MID1: variants seen among roughly 807,000 people sequenced by gnomAD.
MID1 encodes E3 ubiquitin-protein ligase Midline-1.
MID1 carries 7 observed loss-of-function variants against 40.4 expected under a neutral mutation model. The ratio of observed to expected loss-of-function variants is 0.17; its 90% CI spans 0.10 to 0.33. The LOEUF (loss-of-function observed/expected upper bound fraction) is 0.33. Among genes scored for constraint, MID1 ranks in the 10% least tolerant of loss-of-function variants. MID1 has a pLI of 1.00. For missense variants in MID1, 367 were observed against 558.5 expected, an observed-to-expected ratio of 0.66 and a Z score of 3.46; for synonymous variants, 229 against 221.2, an observed-to-expected ratio of 1.04 and a Z score of -0.31.
At chrX:10,612,980 C>A (rs1935759512) in intron 1 of MID1, among the ~76,000 whole-genome samples, 1 of 112,002 alleles carries the variant, frequency 8.9e-6, no homozygotes, top group South Asian at 3.7e-4. Context: ...TAATGTATTT[C>A]GTACAGAAGA....
At chrX:10,499,385 G>A (rs755025930) in intron 3 of MID1, among the ~76,000 whole-genome samples, 3 of 111,781 alleles carry the variant, frequency 2.7e-5, no homozygotes, top group African/African-American at 9.7e-5. Flanking sequence ...ATTGCCTCCT[G>A]TTTTGTGGGT....
At chrX:10,632,662 G>A (rs1954809189) in intron 1 of MID1, among the ~76,000 whole-genome samples, 1 of 110,502 alleles carries the variant, frequency 9.0e-6, no homozygotes, top group South Asian at 3.9e-4. Flanking sequence ...TTGCATTTCT[G>A]ACAAGTTCCC....
chrX:10,614,204 T>C (rs1394188018), intron 1 of MID1, among the ~76,000 whole-genome samples: 1 of 111,628 alleles, frequency 9.0e-6, no homozygotes, highest in Non-Finnish European at 1.9e-5. Flanking sequence ...CCATTTATTC[T>C]AATCCAAGTA....
At position 10,692,244 on chromosome X, in the gene MID1, G is replaced by A. The variant is rs751270358; in HGVS notation, c.-186-71825C>T. Reference sequence around the variant, plus strand: ...CCTAATAAAAACTTGCTGGTTTTGCGGCTCGAGGTTGCCATCACGGTCCTA... The same window carrying A: ...CCTAATAAAAACTTGCTGGTTTTGCAGCTCGAGGTTGCCATCACGGTCCTA... On this transcript the variant is annotated intron_variant, in intron 1 of 10. Transcript: ENST00000380785. Among the ~76,000 whole-genome samples, 7 of 111,174 alleles carry A rather than the reference G, an allele frequency of 6.3e-5. No individual in the cohort carries two copies. In the South Asian group the frequency reaches 1.2e-3, roughly 18 times the overall value.
At chrX:10,752,565 A>G (rs1038888861) in intron 1 of MID1, among the ~76,000 whole-genome samples, 3 of 111,499 alleles carry the variant, frequency 2.7e-5, no homozygotes, top group Non-Finnish European at 3.8e-5. Context: ...GATAGCCCCA[A>G]ATAGCCTATT....
chrX:10,634,884 C>T (rs781207240), intron 1 of MID1, among the ~76,000 whole-genome samples: 4 of 111,101 alleles, frequency 3.6e-5, no homozygotes, highest in Admixed American at 1.9e-4. Context: ...CCTGGGGCCA[C>T]GTTATGATTT....
At chrX:10,675,482 C>T (rs1291885413) in intron 1 of MID1, among the ~76,000 whole-genome samples, 1 of 111,073 alleles carries the variant, frequency 9.0e-6, no homozygotes, top group Non-Finnish European at 1.9e-5. Context: ...GAAACAACAG[C>T]TGTCTGCCAC....
intron 1 of MID1, among the ~76,000 whole-genome samples, chrX:10,824,827 C>A (rs1380309065): frequency 9.0e-6 from 1 of 110,669 alleles, no homozygotes; most frequent in Non-Finnish European, 1.9e-5. Context: ...CCCTCCCATA[C>A]ACCCAAATCC....
chrX:10,636,951 G>T (rs1936125383), intron 1 of MID1, among the ~76,000 whole-genome samples: 1 of 104,656 alleles, frequency 9.6e-6, no homozygotes, highest in South Asian at 4.5e-4. Flanking sequence ...AAGCATTTGG[G>T]GTGCATTTTC....
intron 1 of MID1, among the ~76,000 whole-genome samples, chrX:10,716,615 A>G (rs1377858477): frequency 8.9e-6 from 1 of 111,939 alleles, no homozygotes; most frequent in Non-Finnish European, 1.9e-5. Context: ...GTTGGAAAAC[A>G]CTCTGCAGGA....
At chrX:10,689,611 A>G (rs2043120179) in intron 1 of MID1, among the ~76,000 whole-genome samples, 1 of 111,146 alleles carries the variant, frequency 9.0e-6, no homozygotes, top group Non-Finnish European at 1.9e-5. Context: ...CCATATCTAT[A>G]CCTAAATCTC....
intron 1 of MID1, among the ~76,000 whole-genome samples, chrX:10,713,147 T>C (rs2043280082): frequency 9.0e-6 from 1 of 111,261 alleles, no homozygotes; most frequent in Admixed American, 9.5e-5. Context: ...CAATCTGTGA[T>C]TTAACAAGTC....
chrX:10,623,909 G>C (rs1935968933), upstream of MID1, among the ~76,000 whole-genome samples: 1 of 111,129 alleles, frequency 9.0e-6, no homozygotes, highest in Non-Finnish European at 1.9e-5. Context: ...TTTATTATCG[G>C]GACAGAGGGA....
chrX:10,581,046 C>T (rs917665154), intron 1 of MID1, among the ~76,000 whole-genome samples: 3 of 109,254 alleles, frequency 2.7e-5, no homozygotes, highest in Admixed American at 9.8e-5. Context: ...GTCAGGAGTT[C>T]GAGACCAGCC....
rs763984354 is a variant in MID1, at chrX:10,656,461, A to G, written c.-186-36042T>C. On this transcript the variant is annotated intron_variant, in intron 1 of 10. Coordinates refer to the MID1 transcript ENST00000380785. ...TCAATGCCAACAGCTTGACAATGTG[A>G]CTCTCCATCTGTCACTAATTGCTGG... 3.3e-3 allele frequency among the ~76,000 whole-genome samples: 364 copies of G among 110,434 alleles called. 1 individual carries two copies. The highest frequency in any genetic ancestry group is 0.011 in the African/African-American group (346 of 30,263).
intron 1 of MID1, among the ~76,000 whole-genome samples, chrX:10,579,318 C>G (rs1367461891): frequency 9.0e-6 from 1 of 111,538 alleles, no homozygotes; most frequent in African/African-American, 3.3e-5. Context: ...CTTGGGGAAA[C>G]TTTTTCTCAC....
chrX:10,506,287 G>A (rs1410331478), intron 3 of MID1: 19 of 1,016,891 alleles, frequency 1.9e-5, no homozygotes, highest in Non-Finnish European at 2.2e-5. Flanking sequence ...TTTAGACATG[G>A]TTGGCAGTTG....
intron 1 of MID1, among the ~76,000 whole-genome samples, chrX:10,789,319 ATC>A (rs1415703560): frequency 8.9e-6 from 1 of 112,820 alleles, no homozygotes; most frequent in Non-Finnish European, 1.9e-5. Context: ...CTTATTTTAC[ATC>A]TGTCAGTGAA....
rs368863193 is a variant in MID1 at position 10,693,492 on chromosome X, C to T, written c.-186-73073G>A. ...TAAGCGTGAGCCACTGCACCTGGCC[C>T]TTAACTTTCACATTATTATTTTTTG... On this transcript the variant is annotated intron_variant, in intron 1 of 10. Transcript: ENST00000380785. 2.7e-5 allele frequency among the ~76,000 whole-genome samples: 3 copies of T among 110,779 alleles called. No individual in the cohort carries two copies. The South Asian group carries it at 1.2e-3, about 43-fold the overall frequency.
Sources: gnomAD v4.1 joint callset for allele counts (sites outside exome capture counted in the v4.1 genomes callset) on GRCh38, gnomAD v4.1.1 for gene constraint, MANE v1.5 for transcripts, NCBI Gene and HGNC (gene_info 2026-07-23, HGNC 2026-07-21) for gene names.